SETX: variants seen among roughly 807,000 people sequenced by gnomAD.
SETX encodes the protein senataxin.
A neutral mutation model predicts 227.2 loss-of-function variants in SETX; 90 were observed. The ratio of observed to expected loss-of-function variants is 0.40; its 90% CI spans 0.33 to 0.47. SETX has a LOEUF of 0.47. SETX is among the 20% of genes least tolerant of loss of function. SETX has a pLI of 0.91. For missense variants in SETX, 3,052 were observed against 3,181.5 expected, an observed-to-expected ratio of 0.96 and a Z score of 0.98; for synonymous variants, 1,210 against 1,113.2, an observed-to-expected ratio of 1.09 and a Z score of -1.73.
intron 10 of SETX, among the ~76,000 whole-genome samples, chr9:132,319,295 T>C (rs577194729): frequency 1.4e-4 from 21 of 152,328 alleles, no homozygotes; most frequent in African/African-American, 4.3e-4. Context: ...ACTGCATTTA[T>C]GCTTACCTTT....
intron 18 of SETX, 120 bp downstream of exon 18, chr9:132,286,301 CAG>C: frequency 2.8e-6 from 2 of 717,852 alleles, no homozygotes; most frequent in Non-Finnish European, 4.6e-6. Context: ...GCCTGAGAGA[CAG>C]AGTGAGACTC....
chr9:132,308,181 G>A (rs1845443458), intron 11 of SETX, among the ~76,000 whole-genome samples: 1 of 152,158 alleles, frequency 6.6e-6, no homozygotes, highest in Admixed American at 6.5e-5. Context: ...AAGCAGCTGT[G>A]ATTATCAGAA....
In SETX at chr9:132,314,123, G is replaced by A. The variant is rs183116366; in HGVS notation, c.5275-2267C>T. Among the ~76,000 whole-genome samples the A allele has an allele frequency of 2.5e-3, 379 of 151,894 alleles. 2 individuals are homozygous for A. Among genetic ancestry groups the A allele is most frequent in the African/African-American group, 8.1e-3 (334 of 41,396 alleles). On this transcript the variant is annotated intron_variant, in intron 10 of 25. Coordinates refer to ENST00000224140, the MANE Select transcript of SETX (RefSeq NM_015046.7). ...CTTTTTTTTTTGGAGACAGAGTTTC[G>A]GTCTTGTTGCCCAGGCGGGAGTGCA...
At chr9:132,350,452 G>C (rs1209194490) in intron 2 of SETX, among the ~76,000 whole-genome samples, 2 of 152,142 alleles carry the variant, frequency 1.3e-5, no homozygotes, top group Non-Finnish European at 2.9e-5. Context: ...CTAAAATTCA[G>C]AATACATAAT....
chr9:132,288,694 T>G, intron 15 of SETX, 43 bp from the exon 16 acceptor site: 1 of 1,201,474 alleles, frequency 8.3e-7, no homozygotes, highest in South Asian at 1.2e-5. Flanking sequence ...AGGACACTGC[T>G]GATCAATCCT....
At chr9:132,344,941 G>A (rs186758780) in intron 4 of SETX, among the ~76,000 whole-genome samples, 8 of 150,632 alleles carry the variant, frequency 5.3e-5, no homozygotes, top group South Asian at 4.2e-4. Flanking sequence ...CAAGAGATTC[G>A]TATTATGAAA....
At position 132,272,516 on chromosome 9, in the gene SETX, C is replaced by T. The variant is rs1163631903; in HGVS notation, c.7101-708G>A. On this transcript the variant is annotated intron_variant, in intron 23 of 25. Coordinates refer to ENST00000224140, the MANE Select transcript of SETX (RefSeq NM_015046.7). ...GAGAGAGAGAGACAGAGTCTCACTG[C>T]GTTGCCCAGGCTGGACTCAAACTTC... Among the ~76,000 whole-genome samples, 2 of 151,272 alleles carry T rather than the reference C, an allele frequency of 1.3e-5. 1 individual carries two copies. Among genetic ancestry groups the T allele is most frequent in the South Asian group, 4.2e-4 (2 of 4,758 alleles).
intron 18 of SETX, among the ~76,000 whole-genome samples, chr9:132,285,223 G>A (rs988052158): frequency 2.0e-5 from 3 of 152,114 alleles, no homozygotes; most frequent in East Asian, 3.9e-4. Flanking sequence ...TATCATAATT[G>A]TTTTTTGCAG....
chr9:132,278,147 A>AGTG lies in SETX; in HGVS notation c.6762_6764dup (p.Thr2255dup). On this transcript the variant is annotated inframe_insertion, in exon 21 of 26. Transcript: ENST00000224140. ...TGTCTGGATGCATCCTGTACTGAAC[A>AGTG]GTGAGCTGTAGAATGGGCAGCCTGC... The AGTG allele has an allele frequency of 6.2e-7, 1 of 1,614,188 alleles. No homozygotes were observed. The highest frequency in any genetic ancestry group is 8.5e-7 in the Non-Finnish European group (1 of 1,180,022).
In SETX at chr9:132,280,643, C is replaced by CA. The variant is rs1447601444; in HGVS notation, c.6654+823dup. Reference sequence around the variant, plus strand: ...CACCTGCATTCATTCCAAGCTTCAACAAAAATGCTTTGAAAATGATCTGTT... The same window carrying CA: ...CACCTGCATTCATTCCAAGCTTCAACAAAAAATGCTTTGAAAATGATCTGTT... On this transcript the variant is annotated intron_variant, in intron 20 of 25. Transcript: ENST00000224140. Among the ~76,000 whole-genome samples, 3 of 152,254 alleles carry CA rather than the reference C, an allele frequency of 2.0e-5. No individual in the cohort carries two copies. In the Middle Eastern group the frequency reaches 0.01, roughly 518 times the overall value.
chr9:132,287,369 T>A (rs1843969400), intron 17 of SETX, among the ~76,000 whole-genome samples: 1 of 152,088 alleles, frequency 6.6e-6, no homozygotes, highest in Admixed American at 6.5e-5. Context: ...ACGGCTGTAG[T>A]CCCAGCTACT....
At chr9:132,310,783 A>G (rs1845602819) in intron 11 of SETX, among the ~76,000 whole-genome samples, 1 of 152,184 alleles carries the variant, frequency 6.6e-6, no homozygotes, top group Non-Finnish European at 1.5e-5. Context: ...AGCAAGACAA[A>G]TCCCTCCTCC....
rs766901545 is a variant in SETX at position 132,327,164 on chromosome 9, T to A, written c.4434A>T (p.Ala1478=). The A allele has an allele frequency of 6.2e-7, 1 of 1,614,246 alleles. No individual in the cohort carries two copies. Among genetic ancestry groups the A allele is most frequent in the East Asian group, 2.2e-5 (1 of 44,890 alleles). ...AGTCAGGCTCTCCTTCTTTCAAAGC[T>A]GCCATCTCTATATGACGTGCTGTTG... ...GDPTARHIEM[A]ALKEGEPDSS... is the part of the protein sequence containing the mutation. Residue 1478 remains alanine, a synonymous_variant, in exon 10 of 26, where the codon GCA becomes GCT. Coordinates refer to ENST00000224140, the MANE Select transcript of SETX (RefSeq NM_015046.7).
At chr9:132,336,717 C>T (rs1847645943) in intron 5 of SETX, among the ~76,000 whole-genome samples, 1 of 152,186 alleles carries the variant, frequency 6.6e-6, no homozygotes, top group South Asian at 2.1e-4. Context: ...TCCATTCATT[C>T]AAACACTGAC....
intron 5 of SETX, among the ~76,000 whole-genome samples, chr9:132,337,154 C>T (rs748980376): frequency 6.6e-6 from 1 of 151,466 alleles, no homozygotes; most frequent in East Asian, 1.9e-4. Flanking sequence ...GGATGAAATG[C>T]TCTGATATCT....
chr9:132,338,602 T>C lies in SETX; in HGVS notation c.499-2087A>G, dbSNP rs545226333. 1.4e-4 allele frequency among the ~76,000 whole-genome samples: 22 copies of C among 152,262 alleles called. No homozygotes were observed. In the East Asian group the frequency reaches 3.9e-3, roughly 27 times the overall value. ...AGGCTATCACACAAAAATAAAATGG[T>C]ATATCATTGTGGTCTTATTATTTCC... On this transcript the variant is annotated intron_variant, in intron 5 of 25. Coordinates refer to ENST00000224140, the MANE Select transcript of SETX (RefSeq NM_015046.7).
At chr9:132,266,423 C>A (rs1247627176) in intron 25 of SETX, among the ~76,000 whole-genome samples, 3 of 152,126 alleles carry the variant, frequency 2.0e-5, no homozygotes. Flanking sequence ...AAAAATAATG[C>A]CTGAAAACCT....
At chr9:132,335,735 T>C (rs751018282) in intron 6 of SETX, among the ~76,000 whole-genome samples, 4 of 152,194 alleles carry the variant, frequency 2.6e-5, no homozygotes, top group Admixed American at 6.5e-5. Context: ...GTTAATAAAA[T>C]GTGGCCGTAA....
chr9:132,313,985 G>A (rs1845820046), intron 10 of SETX, among the ~76,000 whole-genome samples: 1 of 151,806 alleles, frequency 6.6e-6, no homozygotes, highest in Non-Finnish European at 1.5e-5. Flanking sequence ...TGGCTGGAGT[G>A]CAATGGCACC....
Sources: allele counts gnomAD v4.1 joint callset (sites outside exome capture counted in the v4.1 genomes callset), GRCh38; gene constraint gnomAD v4.1.1; transcripts MANE v1.5; gene names NCBI Gene and HGNC (gene_info 2026-07-23, HGNC 2026-07-21).